Variants in ADAM12 observed in about 807,000 individuals in gnomAD.
ADAM12 encodes the protein disintegrin and metalloproteinase domain-containing protein 12.
A neutral mutation model predicts 106.4 loss-of-function variants in ADAM12; 70 were observed. That is an observed-to-expected ratio of 0.66 (90% CI 0.54 to 0.80). The LOEUF (loss-of-function observed/expected upper bound fraction) is 0.80. Ranked by LOEUF, ADAM12 falls within the 30% of genes least tolerant of loss-of-function variation. The pLI is 0.00. For synonymous variants in ADAM12, 420 were observed against 433.5 expected (o/e 0.97, Z 0.39); for missense variants, 1,010 against 1,171.9 (o/e 0.86, Z 2.02).
At position 126,017,309 on chromosome 10, in the gene ADAM12, GGGCACTT is replaced by G; in HGVS notation, c.2684_2690del (p.Gln895ProfsTer39). On this transcript the variant is annotated frameshift_variant, in exon 23 of 23. Transcript: ENST00000448723. LOFTEE classifies it high-confidence loss of function. ...TAATATAGGCGGTGTGGGTGGATCTGGGCACTTGGTGTGGATATTGTGGAGCAGGTCT... is the reference window on the plus strand; with the variant it reads ...TAATATAGGCGGTGTGGGTGGATCTGGGTGTGGATATTGTGGAGCAGGTCT... The G allele has an allele frequency of 6.3e-7, 1 of 1,593,076 alleles. No homozygotes were observed. The highest frequency in any genetic ancestry group is 8.6e-7 in the Non-Finnish European group (1 of 1,168,868).
At chr10:126,307,112 C>T (rs1203932673) in intron 2 of ADAM12, among the ~76,000 whole-genome samples, 4 of 152,184 alleles carry the variant, frequency 2.6e-5, no homozygotes, top group Admixed American at 6.5e-5. Context: ...TTCCCAACAA[C>T]TTCTGTTTCC....
chr10:126,275,629 A>G (rs1959222192), intron 3 of ADAM12, among the ~76,000 whole-genome samples: 1 of 152,068 alleles, frequency 6.6e-6, no homozygotes, highest in Non-Finnish European at 1.5e-5. Flanking sequence ...ATTACAGTAA[A>G]CTTCTGGATA....
Position 126,230,917 on chromosome 10 carries a change from G to A in ADAM12, c.260+47998C>T, listed in dbSNP as rs528270027. On this transcript the variant is annotated intron_variant, in intron 3 of 22. Coordinates refer to ENST00000448723, the MANE Select transcript of ADAM12 (RefSeq NM_001288973.2). The stretch of plus-strand genomic sequence containing the variant: ...TAGAGTTTTTTCCCTTTACCTTTAC[G>A]TTAAGCTAGGACATGCATTAAATCT... 3.9e-5 allele frequency among the ~76,000 whole-genome samples: 6 copies of A among 151,920 alleles called. No homozygotes were observed. The South Asian group carries it at 6.3e-4, about 16-fold the overall frequency.
chr10:126,256,586 C>A (rs768663419), intron 3 of ADAM12, among the ~76,000 whole-genome samples: 1 of 152,224 alleles, frequency 6.6e-6, no homozygotes. Context: ...TTCCAGCAGA[C>A]ATCCTCACTT....
intron 2 of ADAM12, among the ~76,000 whole-genome samples, chr10:126,317,446 A>T (rs1489708149): frequency 6.6e-6 from 1 of 152,216 alleles, no homozygotes; most frequent in Non-Finnish European, 1.5e-5. Context: ...TGCATATGGC[A>T]GACATTATGC....
intron 14 of ADAM12, among the ~76,000 whole-genome samples, chr10:126,052,591 C>T (rs1954531207): frequency 6.6e-6 from 1 of 152,118 alleles, no homozygotes; most frequent in South Asian, 2.1e-4. Flanking sequence ...TTACAAACAG[C>T]TCAACAGCAG....
At chr10:126,384,458 G>T (rs2133940723) in intron 1 of ADAM12, among the ~76,000 whole-genome samples, 1 of 152,244 alleles carries the variant, frequency 6.6e-6, no homozygotes, top group South Asian at 2.1e-4. Context: ...AACACAGGAA[G>T]GATGCAAGAG....
intron 3 of ADAM12, among the ~76,000 whole-genome samples, chr10:126,234,654 T>C (rs532488343): frequency 6.5e-4 from 99 of 152,332 alleles, no homozygotes; most frequent in Non-Finnish European, 1.2e-3. Flanking sequence ...ATCCTGACAG[T>C]GTCCACCTAT....
chr10:126,290,407 A>G (rs893026567), intron 2 of ADAM12, among the ~76,000 whole-genome samples: 10 of 152,170 alleles, frequency 6.6e-5, no homozygotes, highest in African/African-American at 2.4e-4. Flanking sequence ...AATGGGTGTC[A>G]TTTTAAGCCA....
At chr10:126,166,833 A>T (rs1341026304) in intron 3 of ADAM12, among the ~76,000 whole-genome samples, 1 of 152,126 alleles carries the variant, frequency 6.6e-6, no homozygotes, top group Non-Finnish European at 1.5e-5. Context: ...AAGATCTATC[A>T]AGTTTCAGTA....
chr10:126,353,043 T>C (rs1855414638), intron 1 of ADAM12, among the ~76,000 whole-genome samples: 1 of 152,224 alleles, frequency 6.6e-6, no homozygotes, highest in East Asian at 1.9e-4. Context: ...TTCTCTCCAC[T>C]GCTCCAGAAC....
At chr10:126,195,529 G>A (rs556495319) in intron 3 of ADAM12, among the ~76,000 whole-genome samples, 3 of 152,110 alleles carry the variant, frequency 2.0e-5, no homozygotes, top group South Asian at 2.1e-4. Context: ...GAGCCAAATC[G>A]CACCATTGCA....
chr10:126,095,301 G>A (rs958262566), intron 10 of ADAM12, among the ~76,000 whole-genome samples: 1 of 150,390 alleles, frequency 6.6e-6, no homozygotes, highest in African/African-American at 2.5e-5. Flanking sequence ...TTGCGAGGCT[G>A]AGGCAGGGGG....
chr10:126,385,223 T>C (rs1420514351), intron 1 of ADAM12, among the ~76,000 whole-genome samples: 1 of 152,180 alleles, frequency 6.6e-6, no homozygotes, highest in Non-Finnish European at 1.5e-5. Context: ...CTCAGCAATC[T>C]GGAAATTCTA....
Position 126,038,230 on chromosome 10 carries a change from T to A in ADAM12, c.2349+11A>T, listed in dbSNP as rs757481526. Reference sequence around the variant, plus strand: ...GTGTGCCCTGAGCACTCACATCTACTCAAGACTCACCTTCGGTGGGTAGGA... The same window carrying A: ...GTGTGCCCTGAGCACTCACATCTACACAAGACTCACCTTCGGTGGGTAGGA... On this transcript the variant is annotated intron_variant, in intron 20 of 22. Coordinates refer to ENST00000448723, the MANE Select transcript of ADAM12 (RefSeq NM_001288973.2). The A allele has an allele frequency of 3.7e-6, 6 of 1,601,834 alleles. No homozygotes were observed. The highest frequency in any genetic ancestry group is 5.1e-6 in the Non-Finnish European group (6 of 1,173,778).
chr10:126,038,429 G>A, intron 19 of ADAM12, 80 bp from the exon 20 acceptor site: 8 of 1,143,378 alleles, frequency 7.0e-6, no homozygotes, highest in Non-Finnish European at 9.7e-6. Flanking sequence ...TGCTCATAGT[G>A]GCACTCAAAA....
intron 11 of ADAM12, among the ~76,000 whole-genome samples, chr10:126,088,922 G>A (rs539494558): frequency 6.6e-6 from 1 of 152,290 alleles, no homozygotes; most frequent in South Asian, 2.1e-4. Context: ...TTTGATCTGG[G>A]TGTAGATTGC....
At chr10:126,108,724 C>G in intron 7 of ADAM12, 60 bp from the exon 8 acceptor site, 1 of 1,471,500 alleles carries the variant, frequency 6.8e-7, no homozygotes, top group Admixed American at 1.7e-5. Flanking sequence ...GTTTCATCTT[C>G]CTGGCTTCTG....
intron 3 of ADAM12, among the ~76,000 whole-genome samples, chr10:126,199,680 A>G (rs1957661930): frequency 6.6e-6 from 1 of 152,254 alleles, no homozygotes; most frequent in African/African-American, 2.4e-5. Flanking sequence ...ACTAAATCAG[A>G]GAAAAATAAA....
Sources: gnomAD v4.1 joint callset for allele counts (sites outside exome capture counted in the v4.1 genomes callset) on GRCh38, gnomAD v4.1.1 for gene constraint, MANE v1.5 for transcripts, NCBI Gene and HGNC (gene_info 2026-07-23, HGNC 2026-07-21) for gene names.